The following SCRIB variants were observed in gnomAD, a reference collection of about 807,000 sequenced individuals.
SCRIB encodes the protein protein scribble homolog.
Under a neutral mutation model 170.0 loss-of-function variants are expected in SCRIB, and 72 were observed. The observed-to-expected ratio is 0.42, with a 90% CI of 0.35 to 0.52. SCRIB has a LOEUF of 0.52. SCRIB is among the 20% of genes least tolerant of loss of function. The pLI is 0.02. For missense variants in SCRIB, 2,475 were observed against 2,338.5 expected, an observed-to-expected ratio of 1.06 and a Z score of -1.20; for synonymous variants, 1,298 against 1,044.3, an observed-to-expected ratio of 1.24 and a Z score of -4.68.
At position 143,805,118 on chromosome 8, in the gene SCRIB, A is replaced by G. The variant is rs530846118; in HGVS notation, c.2664T>C (p.Gly888=). ...CCCTGGGCCCCAGCCTCACCGCATC[A>G]CCAGCCCTGTAGGGTGTGGAGCCTT... ...GGKGSTPYRA[G]DAGIFVSRIA... The change falls in exon 19 of 37, where the codon GGT becomes GGC. Residue 888 remains glycine (G), a synonymous_variant. Transcript: ENST00000356994. 10 of 1,597,992 alleles carry G rather than the reference A, an allele frequency of 6.3e-6. No homozygotes were observed. Among genetic ancestry groups the G allele is most frequent in the Admixed American group, 3.4e-5 (2 of 59,112 alleles).
In SCRIB at chr8:143,805,420, G is replaced by A; in HGVS notation, c.2362C>T (p.Leu788=). 3 of 1,508,962 alleles carry A rather than the reference G, an allele frequency of 2.0e-6. No homozygotes were observed. The highest frequency in any genetic ancestry group is 2.7e-6 in the Non-Finnish European group (3 of 1,131,522). The allele number at this position is 1,508,962 out of a possible 1,614,324, so 93.5% of individuals were successfully genotyped here. A position where few individuals can be genotyped will look rare whatever the true frequency, so the allele number is the denominator to read the frequency against. Residue 788 remains leucine (L), a synonymous_variant, in exon 19 of 37, where the codon CTG becomes TTG. Coordinates refer to ENST00000356994, the MANE Select transcript of SCRIB (RefSeq NM_182706.5). ...DKLLEVNGVA[L]QGAEHHEAVE... ...GCCTCGTGGTGCTCGGCGCCCTGCA[G>A]AGCCACACCATTCACCTGCGGGCCA... is the stretch of plus-strand genomic sequence containing the variant.
At position 143,792,556 on chromosome 8, in the gene SCRIB, G is replaced by A. The variant is rs370984386; in HGVS notation, c.4257C>T (p.Asp1419=). 3.8e-5 allele frequency: 60 copies of A among 1,566,162 alleles called. No homozygotes were observed. Among genetic ancestry groups the A allele is most frequent in the South Asian group, 2.6e-4 (23 of 86,794 alleles). Residue 1419 remains aspartate (D), a synonymous_variant, in exon 31 of 37, where the codon GAC becomes GAT. Transcript: ENST00000356994. ...GTTCCTCCTCGCCCAGCGTCTCCCC[G>A]TCCAGGGCGAGCCTCGCTTCGGCCC... ...EAGAEARLAL[D]GETLGEEEQE...
intron 24 of SCRIB, among the ~76,000 whole-genome samples, chr8:143,803,112 CA>C (rs782714727): frequency 2.6e-4 from 40 of 152,298 alleles, no homozygotes; most frequent in Non-Finnish European, 4.1e-4. Context: ...TAGTGCGTCC[CA>C]AACACACGCC....
intron 28 of SCRIB, 58 bp from the exon 29 acceptor site, chr8:143,793,141 T>C: frequency 1.0e-6 from 1 of 973,984 alleles, no homozygotes. Flanking sequence ...TGCAGCTGTG[T>C]GCAACTCACC....
In SCRIB at chr8:143,803,507, A is replaced by G. The variant is rs782210814; in HGVS notation, c.3479T>C (p.Val1160Ala). The change falls in exon 24 of 37, where the codon GTG (valine) becomes GCG (alanine). Residue 1160 changes from valine to alanine, a missense_variant. Physicochemically the swap from Val to Ala is moderately conservative, Grantham distance 64. This residue lies in a region of SCRIB where 1,966 missense variants were observed against 1,742.9 expected (regional missense o/e 1.13). Transcript: ENST00000356994. ...CAGGCCCAGCAGGCTCTGCTGGTTC[A>G]CCTCCAACAGCCGCAAACCCACACG... ...RLRVGLRLLE[V>A]NQQSLLGLTH... 1 of 1,601,686 alleles carries G rather than the reference A, an allele frequency of 6.2e-7. No homozygotes were observed. The highest frequency in any genetic ancestry group is 2.2e-5 in the East Asian group (1 of 44,756).
In SCRIB at chr8:143,795,401, G is replaced by A. The variant is rs189638048; in HGVS notation, c.3714+19C>T. The A allele has an allele frequency of 1.3e-3, 2,115 of 1,612,386 alleles. 5 individuals carry two copies. The highest frequency in any genetic ancestry group is 3.8e-3 in the South Asian group (345 of 90,964). ...CGGGCTCCCTGGCCCTGGGGCTGCC[G>A]GCTGCAGGCACCTCTGACCTTGCCT... On this transcript the variant is annotated intron_variant, in intron 25 of 36. Transcript: ENST00000356994.
Position 143,815,543 on chromosome 8 carries a change from C to T in SCRIB, c.-171G>A. 1 of 981,338 alleles carries T rather than the reference C, an allele frequency of 1.0e-6. No homozygotes were observed. The highest frequency in any genetic ancestry group is 1.2e-6 in the Non-Finnish European group (1 of 828,318). The allele number at this position is 981,338 out of a possible 1,614,324, so 60.8% of individuals were successfully genotyped here. A position where few individuals can be genotyped will look rare whatever the true frequency, so the allele number is the denominator to read the frequency against. On this transcript the variant is annotated 5_prime_UTR_variant, in exon 1 of 37. Coordinates refer to ENST00000356994, the MANE Select transcript of SCRIB (RefSeq NM_182706.5). ...CGGCCGGCGCTGGGCCCGGCCCGCGCTCGGAACGCTCGGACTGCGGGCCTG... is the reference window on the plus strand; with the variant it reads ...CGGCCGGCGCTGGGCCCGGCCCGCGTTCGGAACGCTCGGACTGCGGGCCTG...
Position 143,807,539 on chromosome 8 carries a change from G to A in SCRIB, c.2178+13C>T, listed in dbSNP as rs200590587. ...CAGCGGCCCGGCCAGAGTGCAGAGC[G>A]AGCAGTACAGACCTCTTCCTCCTCA... On this transcript the variant is annotated intron_variant, in intron 16 of 36. Coordinates refer to ENST00000356994, the MANE Select transcript of SCRIB (RefSeq NM_182706.5). 1.7e-5 allele frequency: 28 copies of A among 1,611,000 alleles called. No homozygotes were observed. The highest frequency in any genetic ancestry group is 6.7e-5 in the East Asian group (3 of 44,850).
intron 28 of SCRIB, 21 bp downstream of exon 28, chr8:143,793,879 C>G: frequency 6.2e-7 from 1 of 1,612,154 alleles, no homozygotes; most frequent in Non-Finnish European, 8.5e-7. Context: ...TGGGGCACAC[C>G]CGTTAACTTG....
At chr8:143,808,548 C>T in intron 15 of SCRIB, 61 bp downstream of exon 15, 1 of 1,487,824 alleles carries the variant, frequency 6.7e-7, no homozygotes, top group Non-Finnish European at 8.9e-7. Flanking sequence ...CCTGCCGCAG[C>T]CCTGGGTGCC....
rs782632593 is a variant in SCRIB, at chr8:143,792,778, C to G, written c.4107G>C (p.Gln1369His). 2 of 1,583,034 alleles carry G rather than the reference C, an allele frequency of 1.3e-6. No homozygotes were observed. Among genetic ancestry groups the G allele is most frequent in the East Asian group, 2.3e-5 (1 of 44,326 alleles). Residue 1369 changes from glutamine (Q) to histidine (H), a missense_variant, in exon 30 of 37, where the codon CAG becomes CAC. Gln to His is a conservative substitution (Grantham distance 24). Around this residue, in one of 3 missense-constraint regions of SCRIB, gnomAD observed 1,966 missense variants for 1,742.9 expected, o/e 1.13. Transcript: ENST00000356994. The stretch of plus-strand genomic sequence containing the variant: ...ACACGCGCTTAGGGGGGCCCTCGGC[C>G]TGGGGCACGCGCACCTCCAGCTCAA... Reference protein sequence around the residue: ...KYFELEVRVPQAEGPPKRVSL... With the variant: ...KYFELEVRVPHAEGPPKRVSL...
In SCRIB at chr8:143,793,080, G is replaced by T; in HGVS notation, c.3913C>A (p.Pro1305Thr). Residue 1305 changes from proline to threonine, a missense_variant, in exon 29 of 37, where the codon CCC becomes ACC. By Grantham distance (38) the Pro-to-Thr change is conservative. This residue lies in a region of SCRIB where 1,966 missense variants were observed against 1,742.9 expected (regional missense o/e 1.13). Transcript: ENST00000356994. ...SPCSPSGQQP[P>T]SPPSPDELPA... is the part of the protein sequence containing the mutation. ...AGCTCATCCGGAGAAGGCGGGGAGG[G>T]CGGCTGGGGGGTGGGGCTCTTGTGA... The T allele has an allele frequency of 6.8e-7, 1 of 1,465,746 alleles. No homozygotes were observed. 90.8% of individuals were successfully genotyped at this position (1,465,746 alleles called of 1,614,324 possible). A position where few individuals can be genotyped will look rare whatever the true frequency, so the allele number is the denominator to read the frequency against.
chr8:143,807,750 G>A (rs1450687312), intron 15 of SCRIB, 136 bp from the exon 16 acceptor site: 13 of 738,172 alleles, frequency 1.8e-5, no homozygotes, highest in Admixed American at 1.4e-4. Flanking sequence ...TGGCACGGGC[G>A]CCTCCATCCT....
At position 143,813,657 on chromosome 8, in the gene SCRIB, T is replaced by G. The variant is rs1456644229; in HGVS notation, c.426A>C (p.Ala142=). 3 of 1,613,452 alleles carry G rather than the reference T, an allele frequency of 1.9e-6. No homozygotes were observed. Among genetic ancestry groups the G allele is most frequent in the Admixed American group, 1.7e-5 (1 of 60,026 alleles). ...HLALNDVSLQ[A]LPGDVGNLAN... is the part of the protein sequence containing the mutation. ...CTCACTTGCCCACGTCCCCGGGCAG[T>G]GCCTGCAGAGACACATCATTCAGGG... The change falls in exon 4 of 37, where the codon GCA becomes GCC. Residue 142 remains alanine, a synonymous_variant. Coordinates refer to ENST00000356994, the MANE Select transcript of SCRIB (RefSeq NM_182706.5).
rs571102571 is a variant in SCRIB, at chr8:143,805,258, C to A, written c.2524G>T (p.Gly842Trp). The A allele has an allele frequency of 2.0e-6, 3 of 1,532,032 alleles. No individual in the cohort carries two copies. Among genetic ancestry groups the A allele is most frequent in the South Asian group, 1.2e-5 (1 of 83,452 alleles). The allele number at this position is 1,532,032 out of a possible 1,614,324, so 94.9% of individuals were successfully genotyped here. A position where few individuals can be genotyped will look rare whatever the true frequency, so the allele number is the denominator to read the frequency against. ...DDYSPRERRG[G>W]GLRLPLLPPE... ...GGGAGCAGGGGCAGGCGCAGCCCCC[C>A]TCCCCGCCGCTCTCGGGGGCTGTAA... Residue 842 changes from glycine to tryptophan, a missense_variant, in exon 19 of 37, where the codon GGG (glycine) becomes TGG (tryptophan). Transcript: ENST00000356994.
At position 143,812,368 on chromosome 8, in the gene SCRIB, T is replaced by G; in HGVS notation, c.804A>C (p.Leu268=). The G allele has an allele frequency of 6.2e-7, 1 of 1,612,764 alleles. No individual in the cohort carries two copies. The highest frequency in any genetic ancestry group is 8.5e-7 in the Non-Finnish European group (1 of 1,178,934). Residue 268 remains leucine, a synonymous_variant, in exon 9 of 37, where the codon CTA becomes CTC. Transcript: ENST00000356994. The part of the protein sequence containing the change: ...LPDGIGQLKQ[L]SILKVDQNRL... ...GATTCTGGTCTACCTTTAGGATGGA[T>G]AGCTGCTTCAGCTGACCTGGCGTCG... is the stretch of plus-strand genomic sequence containing the variant.
At chr8:143,791,780 G>C in intron 34 of SCRIB, 40 bp from the exon 35 acceptor site, 1 of 1,481,194 alleles carries the variant, frequency 6.8e-7, no homozygotes, top group Non-Finnish European at 9.3e-7. Context: ...GAGAGTGAGA[G>C]GAAAGGGGGG....
intron 24 of SCRIB, 111 bp from the exon 25 acceptor site, chr8:143,795,641 G>C: frequency 1.1e-6 from 1 of 929,652 alleles, no homozygotes; most frequent in Admixed American, 2.0e-5. Flanking sequence ...CCCAGGAGCC[G>C]CGTCCCTGGG....
chr8:143,813,788 C>G (rs778986976), intron 3 of SCRIB, 30 bp downstream of exon 3: 1 of 1,604,416 alleles, frequency 6.2e-7, no homozygotes, highest in Non-Finnish European at 8.5e-7. Flanking sequence ...CCCATAGCCC[C>G]TACCGACCCC....
Sources: gnomAD v4.1 joint callset for allele counts (sites outside exome capture counted in the v4.1 genomes callset) on GRCh38, gnomAD v4.1.1 for gene constraint, gnomAD v4.1.1 regional missense constraint, MANE v1.5 for transcripts, NCBI Gene and HGNC (gene_info 2026-07-23, HGNC 2026-07-21) for gene names.